Variants in ZNF439 observed in about 807,000 individuals in gnomAD.
ZNF439 encodes the protein zinc finger protein 439.
ZNF439 carries 40 observed loss-of-function variants against 47.3 expected under a neutral mutation model. That is an observed-to-expected ratio of 0.85 (90% CI 0.66 to 1.10). ZNF439 has a LOEUF of 1.10. ZNF439 is among the 50% of genes least tolerant of loss of function. The pLI is 0.00. For missense variants in ZNF439, 556 were observed against 601.1 expected, an observed-to-expected ratio of 0.93 and a Z score of 0.78; for synonymous variants, 171 against 198.8, an observed-to-expected ratio of 0.86 and a Z score of 1.18.
chr19:11,850,954 C>T (rs1247332210), intron 1 of ZNF439: 1 of 152,148 alleles, frequency 6.6e-6, no homozygotes, highest in Non-Finnish European at 1.5e-5. Flanking sequence ...TCACTTGAAC[C>T]TGGGAGGCAG....
In ZNF439 at chr19:11,868,668, G is replaced by C; in HGVS notation, c.*99G>C. The C allele has an allele frequency of 1.1e-5, 14 of 1,300,074 alleles. No individual in the cohort carries two copies. The highest frequency in any genetic ancestry group is 1.5e-5 in the African/African-American group (1 of 67,162). The allele number at this position is 1,300,074 out of a possible 1,614,324, so 80.5% of individuals were successfully genotyped here. ...AAACCCTATAAATGCAAGCAATGTG[G>C]TAAAGCCTTAATTGTTCCAGTTCCT... On this transcript the variant is annotated 3_prime_UTR_variant, in exon 4 of 4. Coordinates refer to ENST00000682736, the MANE Select transcript of ZNF439 (RefSeq NM_001348719.2).
rs891571046 is a variant in ZNF439 at position 11,866,717 on chromosome 19, T to C, written c.251+120T>C. On this transcript the variant is annotated intron_variant, in intron 3 of 3. Coordinates refer to ENST00000682736, the MANE Select transcript of ZNF439 (RefSeq NM_001348719.2). The stretch of plus-strand genomic sequence containing the variant: ...GGATCAAGTTCATTTATTCATACAA[T>C]ATTTTATCTAAAAATATATATTTAA... 1.6e-5 allele frequency: 17 copies of C among 1,053,808 alleles called. No individual in the cohort carries two copies. In the African/African-American group the frequency reaches 2.8e-4, roughly 17 times the overall value. The allele number at this position is 1,053,808 out of a possible 1,614,324, so 65.3% of individuals were successfully genotyped here.
rs769625741 is a variant in ZNF439 at position 11,866,318 on chromosome 19, C to T, written c.177C>T (p.Asn59=). The T allele has an allele frequency of 1.2e-5, 19 of 1,613,950 alleles. 1 individual carries two copies. In the South Asian group the frequency reaches 2.0e-4, roughly 17 times the overall value. ...YREVMLETFW[N]LTSIGKKWKD... ...AAGTGATGCTGGAAACTTTCTGGAACCTGACCTCTATAGGTAAGGATGACA... is the reference window on the plus strand; with the variant it reads ...AAGTGATGCTGGAAACTTTCTGGAATCTGACCTCTATAGGTAAGGATGACA... The change falls in exon 2 of 4, where the codon AAC becomes AAT. Residue 59 remains asparagine (N), a synonymous_variant. Coordinates refer to ENST00000682736, the MANE Select transcript of ZNF439 (RefSeq NM_001348719.2).
intron 1 of ZNF439, among the ~76,000 whole-genome samples, chr19:11,861,695 A>G (rs376439149): frequency 6.6e-6 from 1 of 152,236 alleles, no homozygotes; most frequent in Admixed American, 6.5e-5. Flanking sequence ...AGGAAAGGCC[A>G]CTTCAACAGG....
At chr19:11,860,992 T>G (rs1480162901) in intron 1 of ZNF439, among the ~76,000 whole-genome samples, 1 of 152,168 alleles carries the variant, frequency 6.6e-6, no homozygotes, top group African/African-American at 2.4e-5. Flanking sequence ...AACCCTTAGG[T>G]AGGACCTTAG....
In ZNF439 at chr19:11,866,244, C is replaced by G. The variant is rs746089323; in HGVS notation, c.103C>G (p.Gln35Glu). The change falls in exon 2 of 4, where the codon CAG becomes GAG. Residue 35 changes from glutamine (Q) to glutamate (E), a missense_variant. By Grantham distance (29) the Gln-to-Glu change is conservative. Transcript: ENST00000682736. ...TAAGGATGTGGCTGTGAACTTCACC[C>G]AGGAGGAGTGGGCTTTGCTGGATAT... is the stretch of plus-strand genomic sequence containing the variant. ...AFKDVAVNFT[Q>E]EEWALLDISQ... 11 of 1,614,116 alleles carry G rather than the reference C, an allele frequency of 6.8e-6. No individual in the cohort carries two copies. The South Asian group carries it at 1.1e-4, about 16-fold the overall frequency.
At chr19:11,849,291 C>T in intron 1 of ZNF439, 1 of 1,006,090 alleles carries the variant, frequency 9.9e-7, no homozygotes, top group Non-Finnish European at 1.2e-6. Flanking sequence ...CCTCCACTTT[C>T]TCCTGTTAAA....
chr19:11,867,362 C>T lies in ZNF439; in HGVS notation c.308C>T (p.Thr103Ile). 1 of 1,613,884 alleles carries T rather than the reference C, an allele frequency of 6.2e-7. No homozygotes were observed. Among genetic ancestry groups the T allele is most frequent in the South Asian group, 1.1e-5 (1 of 91,058 alleles). ...EIKEDSHCGE[T>I]FTPVPDDRLN... Reference sequence around the variant, plus strand: ...AAAGAAGACAGTCATTGTGGAGAAACTTTTACCCCAGTTCCAGATGACAGG... The same window carrying T: ...AAAGAAGACAGTCATTGTGGAGAAATTTTTACCCCAGTTCCAGATGACAGG... The change falls in exon 4 of 4, where the codon ACT (threonine) becomes ATT (isoleucine). Residue 103 changes from threonine (T) to isoleucine (I), a missense_variant. Transcript: ENST00000682736.
rs1386741583 is a variant in ZNF439 at position 11,867,595 on chromosome 19, C to G, written c.541C>G (p.Gln181Glu). The G allele has an allele frequency of 2.5e-6, 4 of 1,614,078 alleles. 1 individual carries two copies. The South Asian group carries it at 4.4e-5, about 18-fold the overall frequency. Reference sequence around the variant, plus strand: ...CAGATATCACCCCTCCTTGAGAACACAAGAAAGGGATCACACTGGAAAGAA... The same window carrying G: ...CAGATATCACCCCTCCTTGAGAACAGAAGAAAGGGATCACACTGGAAAGAA... ...AFRYHPSLRT[Q>E]ERDHTGKKPY... Residue 181 changes from glutamine (Q) to glutamate (E), a missense_variant, in exon 4 of 4, where the codon CAA becomes GAA. Transcript: ENST00000682736.
rs1310665726 is a variant in ZNF439, at chr19:11,868,851, T to G, written c.*282T>G. The stretch of plus-strand genomic sequence containing the variant: ...GAAATGTGGAAAAGCGTTCCATAAT[T>G]TCTCTTCTTTTCAAATACATGAAAG... On this transcript the variant is annotated 3_prime_UTR_variant, in exon 4 of 4. Transcript: ENST00000682736. The G allele has an allele frequency of 1.1e-5, 5 of 467,468 alleles. No homozygotes were observed. Among genetic ancestry groups the G allele is most frequent in the East Asian group, 4.2e-5 (1 of 24,068 alleles). 29.0% of individuals were successfully genotyped at this position (467,468 alleles called of 1,614,324 possible).
Position 11,848,900 on chromosome 19 carries a change from G to T in ZNF439, c.33G>T (p.Glu11Asp). The change falls in exon 1 of 4, where the codon GAG (glutamate) becomes GAT (aspartate). Residue 11 changes from glutamate (E) to aspartate (D), a missense_variant. Coordinates refer to ENST00000682736, the MANE Select transcript of ZNF439 (RefSeq NM_001348719.2). ...GCTTTACTCACAGGAGCTGTAGAGA[G>T]GACCCCGGTACATCTGAAAGCCGGG... MPCFTHRSCR[E>D]DPGTSESREM... The T allele has an allele frequency of 2.5e-6, 4 of 1,574,928 alleles. No homozygotes were observed. The highest frequency in any genetic ancestry group is 2.6e-6 in the Non-Finnish European group (3 of 1,155,512).
At chr19:11,859,699 A>G (rs993033897) in intron 1 of ZNF439, among the ~76,000 whole-genome samples, 2 of 152,184 alleles carry the variant, frequency 1.3e-5, no homozygotes, top group Admixed American at 1.3e-4. Flanking sequence ...GCAAGGTCCT[A>G]AGGGCTCTCC....
intron 1 of ZNF439, among the ~76,000 whole-genome samples, chr19:11,851,789 T>C (rs1280544870): frequency 6.6e-6 from 1 of 152,026 alleles, no homozygotes; most frequent in Non-Finnish European, 1.5e-5. Flanking sequence ...GCTGAGACTA[T>C]AGTCGCCCAC....
intron 1 of ZNF439, chr19:11,851,170 C>G (rs1976229148): frequency 6.6e-6 from 1 of 152,124 alleles, no homozygotes; most frequent in Non-Finnish European, 1.5e-5. Flanking sequence ...AGTAGGGCAT[C>G]CTCATACAGC....
chr19:11,856,003 C>G (rs1976375684), intron 1 of ZNF439: 1 of 152,262 alleles, frequency 6.6e-6, no homozygotes. Flanking sequence ...TGAGGGCACT[C>G]ACATGGTGTG....
At chr19:11,867,039 A>C (rs1414800285) in intron 3 of ZNF439, among the ~76,000 whole-genome samples, 1 of 152,198 alleles carries the variant, frequency 6.6e-6, no homozygotes, top group East Asian at 1.9e-4. Context: ...CCCTGAAACA[A>C]AAGAAAAATG....
chr19:11,859,306 T>C (rs904747972), intron 1 of ZNF439, among the ~76,000 whole-genome samples: 3 of 152,174 alleles, frequency 2.0e-5, no homozygotes, highest in Non-Finnish European at 4.4e-5. Context: ...GCACACTGCT[T>C]ATAAGCAGCG....
intron 1 of ZNF439, among the ~76,000 whole-genome samples, chr19:11,855,441 A>G (rs991794655): frequency 3.9e-5 from 6 of 152,314 alleles, no homozygotes; most frequent in Admixed American, 6.5e-5. Flanking sequence ...TGACTTTTCC[A>G]TAGTGATTCC....
At chr19:11,863,655 C>T (rs1461352779) in intron 1 of ZNF439, among the ~76,000 whole-genome samples, 1 of 152,146 alleles carries the variant, frequency 6.6e-6, no homozygotes, top group East Asian at 1.9e-4. Context: ...TATCGATTTT[C>T]TCACTCACAG....
Sources: allele counts gnomAD v4.1 joint callset (sites outside exome capture counted in the v4.1 genomes callset), GRCh38; gene constraint gnomAD v4.1.1; transcripts MANE v1.5; gene names NCBI Gene and HGNC (gene_info 2026-07-23, HGNC 2026-07-21).